The following MCC variants were observed in gnomAD, a reference collection of about 807,000 sequenced individuals.
MCC encodes the protein MCC regulator of Wnt signaling pathway.
A neutral mutation model predicts 116.2 loss-of-function variants in MCC; 90 were observed. The observed-to-expected ratio is 0.77, with a 90% CI of 0.65 to 0.92. MCC has a LOEUF of 0.92. MCC is among the 40% of genes least tolerant of loss of function. The pLI is 0.00. For synonymous variants in MCC, 578 were observed against 510.5 expected (o/e 1.13, Z -1.78); for missense variants, 1,516 against 1,312.2 (o/e 1.16, Z -2.40).
intron 6 of MCC, among the ~76,000 whole-genome samples, chr5:113,106,720 C>T (rs989885401): frequency 2.0e-5 from 3 of 152,108 alleles, no homozygotes; most frequent in Non-Finnish European, 4.4e-5. Context: ...TGACCACAAT[C>T]AGCTCATATT....
chr5:113,372,809 G>A (rs1640185682), intron 2 of MCC, among the ~76,000 whole-genome samples: 2 of 152,090 alleles, frequency 1.3e-5, no homozygotes, highest in African/African-American at 2.4e-5. Context: ...CACCTACCCT[G>A]GCCTCCCAAA....
intron 6 of MCC, among the ~76,000 whole-genome samples, chr5:113,121,670 T>C (rs1353588948): frequency 1.3e-5 from 2 of 152,180 alleles, no homozygotes; most frequent in African/African-American, 2.4e-5. Context: ...AACCCAAATA[T>C]GTAATATTTG....
At chr5:113,441,540 A>G (rs990740058) in intron 1 of MCC, among the ~76,000 whole-genome samples, 3 of 152,122 alleles carry the variant, frequency 2.0e-5, no homozygotes, top group Non-Finnish European at 4.4e-5. Context: ...TCTGGGGTAC[A>G]TGTGCGGAAC....
Position 113,488,302 on chromosome 5 carries a change from T to C in MCC, c.113A>G (p.Glu38Gly). ...CGTCTGGAAGAGGCGCCGCATCCTC[T>C]CCTCCTCGCCGGTGCTGGACGTGTC... ...SSDTSSTGEEERMRRLFQTCD... is the reference protein window; with the variant it reads ...SSDTSSTGEEGRMRRLFQTCD... Residue 38 changes from glutamate to glycine, a missense_variant, in exon 1 of 19, where the codon GAG becomes GGG. By Grantham distance (98) the Glu-to-Gly change is moderately conservative. Transcript: ENST00000408903. The C allele has an allele frequency of 6.3e-7, 1 of 1,591,382 alleles. No individual in the cohort carries two copies. Among genetic ancestry groups the C allele is most frequent in the Non-Finnish European group, 8.5e-7 (1 of 1,170,718 alleles).
chr5:113,335,075 T>C (rs918482953), intron 3 of MCC, among the ~76,000 whole-genome samples: 1 of 151,714 alleles, frequency 6.6e-6, no homozygotes, highest in Admixed American at 6.6e-5. Flanking sequence ...AGGGTGCTCA[T>C]AGAACAATCA....
chr5:113,301,421 C>T (rs1369522968), intron 3 of MCC, among the ~76,000 whole-genome samples: 8 of 151,688 alleles, frequency 5.3e-5, no homozygotes, highest in Admixed American at 2.0e-4. Flanking sequence ...GCCGAGATCA[C>T]GCCATTGCAC....
chr5:113,343,821 T>C (rs946418982), intron 2 of MCC, among the ~76,000 whole-genome samples: 1 of 152,212 alleles, frequency 6.6e-6, no homozygotes. Flanking sequence ...TATGCAAACA[T>C]GAAGCCTCAT....
rs746002573 is a variant in MCC at position 113,385,152 on chromosome 5, C to T, written c.231G>A (p.Met77Ile). The change falls in exon 2 of 19, where the codon ATG becomes ATA. Residue 77 changes from methionine (M) to isoleucine (I), a missense_variant. Met to Ile is a conservative substitution (Grantham distance 10). Coordinates refer to ENST00000408903, the MANE Select transcript of MCC (RefSeq NM_001085377.2). Reference protein sequence around the residue: ...LNMEESVAEIMNQLGADENGK... With the variant: ...LNMEESVAEIINQLGADENGK... ...CATTTTCATCTGCTCCCAACTGGTT[C>T]ATGATCTCAGCCACAGACTCTTCCA... 6.2e-6 allele frequency: 10 copies of T among 1,614,180 alleles called. No homozygotes were observed. The highest frequency in any genetic ancestry group is 8.5e-6 in the Non-Finnish European group (10 of 1,180,030).
At chr5:113,221,244 C>T (rs1448424342) in intron 3 of MCC, among the ~76,000 whole-genome samples, 1 of 152,162 alleles carries the variant, frequency 6.6e-6, no homozygotes, top group East Asian at 1.9e-4. Flanking sequence ...CACAGATGTG[C>T]TTGCATTTAT....
At chr5:113,217,340 T>C (rs1763362264) in intron 3 of MCC, among the ~76,000 whole-genome samples, 1 of 152,230 alleles carries the variant, frequency 6.6e-6, no homozygotes, top group African/African-American at 2.4e-5. Flanking sequence ...TTTTCAGCTA[T>C]AGCACATAGC....
intron 3 of MCC, among the ~76,000 whole-genome samples, chr5:113,153,640 G>A (rs536725450): frequency 1.3e-5 from 2 of 152,286 alleles, no homozygotes; most frequent in Non-Finnish European, 2.9e-5. Context: ...CTTCTACTAG[G>A]GCAGAGATGA....
intron 3 of MCC, among the ~76,000 whole-genome samples, chr5:113,318,064 T>C (rs1371319944): frequency 6.6e-6 from 1 of 152,192 alleles, no homozygotes; most frequent in African/African-American, 2.4e-5. Flanking sequence ...ATTATTGATA[T>C]TGCACTGTAG....
chr5:113,237,604 A>AAC (rs1276125217), intron 3 of MCC, among the ~76,000 whole-genome samples: 1 of 152,230 alleles, frequency 6.6e-6, no homozygotes, highest in Non-Finnish European at 1.5e-5. Flanking sequence ...ACTGGGAGGA[A>AAC]ACACGGGCCA....
chr5:113,093,254 T>C (rs774112134), intron 8 of MCC, among the ~76,000 whole-genome samples: 2 of 152,130 alleles, frequency 1.3e-5, no homozygotes, highest in African/African-American at 2.4e-5. Flanking sequence ...ATAATTATCT[T>C]CTCTCTCTGT....
At chr5:113,475,270 C>A (rs778127575) in intron 1 of MCC, among the ~76,000 whole-genome samples, 3 of 152,212 alleles carry the variant, frequency 2.0e-5, no homozygotes, top group Non-Finnish European at 2.9e-5. Context: ...CAAAGCTCAT[C>A]TATCTAGAAT....
In MCC at chr5:113,053,707, G is replaced by T; in HGVS notation, c.2448+18C>A. On this transcript the variant is annotated intron_variant, in intron 15 of 18. Transcript: ENST00000408903. ...CTCCTGGTGGCAGCCTAGCACATGG[G>T]ACCCACCCACCACATACCTTCATGG... The T allele has an allele frequency of 6.3e-7, 1 of 1,576,048 alleles. No individual in the cohort carries two copies. The highest frequency in any genetic ancestry group is 1.1e-5 in the South Asian group (1 of 89,974).
At chr5:113,225,193 G>A (rs1763688620) in intron 3 of MCC, among the ~76,000 whole-genome samples, 2 of 152,136 alleles carry the variant, frequency 1.3e-5, no homozygotes, top group African/African-American at 2.4e-5. Context: ...CACTAGTTCC[G>A]ATCTGACTTC....
At chr5:113,072,143 A>G (rs1754083039) in intron 11 of MCC, among the ~76,000 whole-genome samples, 2 of 152,260 alleles carry the variant, frequency 1.3e-5, no homozygotes, top group South Asian at 4.1e-4. Context: ...TACTCTGACC[A>G]CTAACTCTTA....
chr5:113,350,937 C>A (rs984435157), intron 2 of MCC, among the ~76,000 whole-genome samples: 5 of 152,022 alleles, frequency 3.3e-5, no homozygotes, highest in Non-Finnish European at 5.9e-5. Flanking sequence ...TGAAAAGGTG[C>A]TCAACATCAT....
Sources: allele counts gnomAD v4.1 joint callset (sites outside exome capture counted in the v4.1 genomes callset), GRCh38; gene constraint gnomAD v4.1.1; transcripts MANE v1.5; gene names NCBI Gene and HGNC (gene_info 2026-07-23, HGNC 2026-07-21).